The following GALNT2 variants were observed in gnomAD, a reference collection of about 807,000 sequenced individuals.
The protein encoded by GALNT2 is UDP-GalNAc:polypeptide N-acetylgalactosaminyltransferase 2.
Under a neutral mutation model 81.4 loss-of-function variants are expected in GALNT2, and 31 were observed. The ratio of observed to expected loss-of-function variants is 0.38; its 90% confidence interval spans 0.29 to 0.51. The LOEUF (loss-of-function observed/expected upper bound fraction) is 0.51, where lower values mean the gene tolerates loss of function less well. GALNT2 is among the 20% of genes least tolerant of loss of function. GALNT2 has a pLI of 0.87. For missense variants in GALNT2, 629 were observed against 765.7 expected, an observed-to-expected ratio of 0.82 and a Z score of 2.11; for synonymous variants, 303 against 287.4, an observed-to-expected ratio of 1.05 and a Z score of -0.55.
chr1:230,130,815 C>G (rs1356144504), intron 1 of GALNT2, among the ~76,000 whole-genome samples: 1 of 152,112 alleles, frequency 6.6e-6, no homozygotes, highest in African/African-American at 2.4e-5. Flanking sequence ...TATGGGACAC[C>G]AGCGAAGCTG....
At chr1:230,265,985 A>T (rs1430600196) in intron 14 of GALNT2, among the ~76,000 whole-genome samples, 1 of 152,210 alleles carries the variant, frequency 6.6e-6, no homozygotes, top group Non-Finnish European at 1.5e-5. Context: ...TAAGGTCAGG[A>T]GTTCAAGACC....
chr1:230,167,961 A>AGG (rs1553264432), intron 1 of GALNT2, among the ~76,000 whole-genome samples: 7 of 151,514 alleles, frequency 4.6e-5, no homozygotes, highest in Non-Finnish European at 8.8e-5. Context: ...TTTCTAAAAT[A>AGG]CCCCCCCCTT....
In GALNT2 at chr1:230,224,684, G is replaced by A. The variant is rs74321622; in HGVS notation, c.375-11330G>A. On this transcript the variant is annotated intron_variant, in intron 3 of 15. Transcript: ENST00000366672. ...CATTTTCTGTGGCCGGTGCCGAAGC[G>A]TGGAGTGTTTGGTGAGCGAAGAGTG... Among the ~76,000 whole-genome samples, 1,041 of 152,344 alleles carry A rather than the reference G, an allele frequency of 6.8e-3. 10 individuals are homozygous for A. The highest frequency in any genetic ancestry group is 0.022 in the African/African-American group (935 of 41,568).
At chr1:230,135,645 A>T (rs1572003919) in intron 1 of GALNT2, among the ~76,000 whole-genome samples, 1 of 152,000 alleles carries the variant, frequency 6.6e-6, no homozygotes, top group African/African-American at 2.4e-5. Flanking sequence ...TCGGCTCTGG[A>T]TTTGAATTCA....
At chr1:230,061,699 C>T (rs964635973) in intron 1 of GALNT2, among the ~76,000 whole-genome samples, 4 of 152,106 alleles carry the variant, frequency 2.6e-5, no homozygotes, top group African/African-American at 4.8e-5. Context: ...AATTCTTCTC[C>T]TATCCCTTCT....
chr1:230,102,107 G>A (rs1411075500), intron 1 of GALNT2, among the ~76,000 whole-genome samples: 2 of 152,064 alleles, frequency 1.3e-5, no homozygotes, highest in Admixed American at 1.3e-4. Flanking sequence ...TTAGGTGCTA[G>A]TAAGTTTTAA....
chr1:230,173,428 A>G (rs1321422232), intron 1 of GALNT2, among the ~76,000 whole-genome samples: 6 of 152,198 alleles, frequency 3.9e-5, no homozygotes, highest in African/African-American at 1.4e-4. Flanking sequence ...CTGAAGCACC[A>G]TCTGTCTGTG....
rs1429782591 is a variant in GALNT2, at chr1:230,281,881, C to T, written c.*2423C>T. On this transcript the variant is annotated 3_prime_UTR_variant, in exon 16 of 16. Transcript: ENST00000366672. ...TCAGAATTCTTTCCTAAGAGCCCTT[C>T]GAGCAAAGCGTGCCGAAGTTAGTTG... The T allele has an allele frequency of 6.6e-6, 1 of 152,568 alleles. No homozygotes were observed. The highest frequency in any genetic ancestry group is 6.5e-5 in the Admixed American group (1 of 15,276). The allele number at this position is 152,568 out of a possible 1,614,324, so 9.5% of individuals were successfully genotyped here. A position where few individuals can be genotyped will look rare whatever the true frequency, so the allele number is the denominator to read the frequency against.
intron 13 of GALNT2, chr1:230,265,034 A>C: frequency 9.2e-6 from 5 of 543,402 alleles, no homozygotes; most frequent in Non-Finnish European, 1.6e-5. Flanking sequence ...TGCAACATAC[A>C]GTCTTAAAGT....
At chr1:230,065,876 GC>G (rs1415707878), upstream of GALNT2, among the ~76,000 whole-genome samples, 1 of 152,044 alleles carries the variant, frequency 6.6e-6, no homozygotes, top group Admixed American at 6.6e-5. Context: ...GCTCCTTCAA[GC>G]CTCTCACCTC....
In GALNT2 at chr1:230,279,828, A is replaced by C; in HGVS notation, c.*370A>C. ...TGCGAGCTGAGGACAGGGCGGGAGGAGGGGGCACACATGCCCCAGGGGAGC... is the reference window on the plus strand; with the variant it reads ...TGCGAGCTGAGGACAGGGCGGGAGGCGGGGGCACACATGCCCCAGGGGAGC... On this transcript the variant is annotated 3_prime_UTR_variant, in exon 16 of 16. Transcript: ENST00000366672. This position sits in a 1 kb window ranked among gnomAD's most constrained non-coding sequence, Gnocchi z 4.6. The C allele has an allele frequency of 6.3e-6, 3 of 478,744 alleles. No homozygotes were observed. Among genetic ancestry groups the C allele is most frequent in the Non-Finnish European group, 1.2e-5 (3 of 242,402 alleles). 29.7% of individuals were successfully genotyped at this position (478,744 alleles called of 1,614,324 possible).
intron 1 of GALNT2, among the ~76,000 whole-genome samples, chr1:230,130,621 G>A (rs1451347782): frequency 1.3e-5 from 2 of 152,186 alleles, no homozygotes; most frequent in Admixed American, 6.5e-5. Context: ...CCCCTAAGTA[G>A]GATGCTCCCA....
At chr1:230,255,458 A>G (rs941926845) in intron 11 of GALNT2, 114 bp downstream of exon 11, 52 of 1,365,434 alleles carry the variant, frequency 3.8e-5, no homozygotes, top group Non-Finnish European at 5.3e-5. Context: ...GTGCATTTAT[A>G]CAATGGAATA....
chr1:230,160,385 A>ATC (rs1173360154), intron 1 of GALNT2, among the ~76,000 whole-genome samples: 1 of 152,038 alleles, frequency 6.6e-6, no homozygotes. Context: ...CTCACCTCTG[A>ATC]TCTCTGAGGG....
intron 10 of GALNT2, among the ~76,000 whole-genome samples, chr1:230,252,112 G>A (rs1233356227): frequency 2.0e-5 from 3 of 152,186 alleles, no homozygotes; most frequent in Non-Finnish European, 4.4e-5. Context: ...CTCCCAGTGA[G>A]GTTTGGAGGG....
chr1:230,138,729 G>C (rs1309169293), intron 1 of GALNT2, among the ~76,000 whole-genome samples: 1 of 152,112 alleles, frequency 6.6e-6, no homozygotes, highest in Admixed American at 6.6e-5. Context: ...ACCATCTACG[G>C]TAACTTCTTG....
intron 3 of GALNT2, among the ~76,000 whole-genome samples, chr1:230,226,757 G>A (rs1056013231): frequency 1.3e-5 from 2 of 152,220 alleles, no homozygotes; most frequent in African/African-American, 4.8e-5. Context: ...CCCATCTCAT[G>A]GTTGAGAAAA....
intron 3 of GALNT2, among the ~76,000 whole-genome samples, chr1:230,222,272 C>G (rs899094807): frequency 3.9e-5 from 6 of 151,936 alleles, no homozygotes; most frequent in Non-Finnish European, 7.4e-5. Context: ...GTGATCCGCC[C>G]GCCTCGGCCT....
At chr1:230,114,954 C>T (rs1660802524) in intron 1 of GALNT2, among the ~76,000 whole-genome samples, 1 of 151,480 alleles carries the variant, frequency 6.6e-6, no homozygotes, top group African/African-American at 2.4e-5. Context: ...CACAAACCTA[C>T]ACTGACACAT....
Sources: allele counts gnomAD v4.1 joint callset (sites outside exome capture counted in the v4.1 genomes callset), GRCh38; gene constraint gnomAD v4.1.1; non-coding constraint Gnocchi (gnomAD v3.1); transcripts MANE v1.5; gene names NCBI Gene and HGNC (gene_info 2026-07-23, HGNC 2026-07-21).